Variants in PDE4D observed in about 807,000 individuals in gnomAD.
The protein encoded by PDE4D is phosphodiesterase 4D.
PDE4D carries 24 observed loss-of-function variants against 87.4 expected under a neutral mutation model. That is an observed-to-expected ratio of 0.27 (90% CI 0.20 to 0.39). The LOEUF (loss-of-function observed/expected upper bound fraction) is 0.39, where lower values mean the gene tolerates loss of function less well. Among genes scored for constraint, PDE4D ranks in the 10% least tolerant of loss-of-function variants. The pLI is 1.00. For synonymous variants in PDE4D, 384 were observed against 383.2 expected (o/e 1.00, Z -0.02); for missense variants, 714 against 1,041.0 (o/e 0.69, Z 4.32).
At chr5:59,982,527 G>A (rs1347968247) in intron 3 of PDE4D, among the ~76,000 whole-genome samples, 1 of 152,178 alleles carries the variant, frequency 6.6e-6, no homozygotes. Context: ...CAGTGCCCAA[G>A]ATAGGGCTGA....
chr5:59,974,051 T>C (rs943409659), intron 3 of PDE4D, among the ~76,000 whole-genome samples: 1 of 152,164 alleles, frequency 6.6e-6, no homozygotes, highest in African/African-American at 2.4e-5. Context: ...GGCAAAACCG[T>C]ATGCACGTGC....
intron 1 of PDE4D, among the ~76,000 whole-genome samples, chr5:59,810,860 C>A (rs980935320): frequency 6.6e-6 from 1 of 152,150 alleles, no homozygotes; most frequent in Non-Finnish European, 1.5e-5. Flanking sequence ...GCTGAAAAAT[C>A]AAAATAATTT....
At chr5:60,521,114 A>C (rs990603086) in intron 1 of PDE4D, 3 of 152,326 alleles carry the variant, frequency 2.0e-5, no homozygotes, top group Non-Finnish European at 2.9e-5. Flanking sequence ...TTTGGCAAGC[A>C]GGAGAATTAA....
intron 3 of PDE4D, among the ~76,000 whole-genome samples, chr5:59,968,856 T>C (rs1333540169): frequency 6.6e-6 from 1 of 152,096 alleles, no homozygotes; most frequent in Admixed American, 6.6e-5. Flanking sequence ...CAATATAACA[T>C]ATCCAGTGTT....
chr5:60,122,871 T>C (rs1778813564), intron 2 of PDE4D, among the ~76,000 whole-genome samples: 3 of 152,242 alleles, frequency 2.0e-5, no homozygotes, highest in Admixed American at 2.0e-4. Flanking sequence ...CTTATAAAAC[T>C]GAGTGCCTTT....
intron 1 of PDE4D, among the ~76,000 whole-genome samples, chr5:59,709,484 G>A (rs1753901331): frequency 6.6e-6 from 1 of 152,182 alleles, no homozygotes; most frequent in South Asian, 2.1e-4. Context: ...CTACCCTGCT[G>A]AGAAGCTTCC....
chr5:60,017,948 A>C (rs1368873130), intron 2 of PDE4D, among the ~76,000 whole-genome samples: 1 of 152,128 alleles, frequency 6.6e-6, no homozygotes, highest in Non-Finnish European at 1.5e-5. Context: ...CCACAGCCTC[A>C]ACAGTATCTG....
intron 3 of PDE4D, among the ~76,000 whole-genome samples, chr5:59,189,255 T>TTTG (rs1561663725): frequency 2.3e-5 from 3 of 131,000 alleles, no homozygotes; most frequent in African/African-American, 8.1e-5. Flanking sequence ...TTTTTTTTGT[T>TTTG]TTTTTTTTTT....
At chr5:59,230,082 C>A (rs921459307) in intron 1 of PDE4D, among the ~76,000 whole-genome samples, 10 of 152,216 alleles carry the variant, frequency 6.6e-5, no homozygotes, top group African/African-American at 2.4e-4. Flanking sequence ...CCACCGTACC[C>A]AGCTGCACCT....
At chr5:60,474,766 C>A (rs1256027418) in intron 1 of PDE4D, among the ~76,000 whole-genome samples, 1 of 152,156 alleles carries the variant, frequency 6.6e-6, no homozygotes, top group Non-Finnish European at 1.5e-5. Context: ...ACATCCTCCA[C>A]AGGCTCACCT....
intron 1 of PDE4D, among the ~76,000 whole-genome samples, chr5:59,504,939 T>TGTGTGTGC (rs1170300694): frequency 7.4e-5 from 10 of 134,786 alleles, no homozygotes; most frequent in Middle Eastern, 3.8e-3. Flanking sequence ...TGTGTGTGTG[T>TGTGTGTGC]GCGTGCGCGT....
intron 5 of PDE4D, among the ~76,000 whole-genome samples, chr5:59,150,493 G>T (rs999548918): frequency 2.0e-5 from 3 of 152,080 alleles, no homozygotes; most frequent in Non-Finnish European, 4.4e-5. Flanking sequence ...TTAATACAGT[G>T]CATATCTCCC....
intron 2 of PDE4D, among the ~76,000 whole-genome samples, chr5:59,213,874 A>G (rs1169994838): frequency 1.3e-5 from 2 of 151,882 alleles, no homozygotes; most frequent in Non-Finnish European, 2.9e-5. Context: ...GTACAAACCA[A>G]TTCATCACCT....
chr5:59,993,407 A>T (rs1312190183), intron 2 of PDE4D, among the ~76,000 whole-genome samples: 1 of 152,210 alleles, frequency 6.6e-6, no homozygotes, highest in Non-Finnish European at 1.5e-5. Flanking sequence ...GGATTGGCTT[A>T]GTAAATGTTG....
At position 59,455,592 on chromosome 5, in the gene PDE4D, G is replaced by T. The variant is rs553255832; in HGVS notation, c.456-239624C>A. ...AATGTGGGGTTGGAGCCCCCACACA[G>T]AGTCCCTACTAGGGCACTGTCTAGT... On this transcript the variant is annotated intron_variant, in intron 1 of 14. Coordinates refer to ENST00000340635, the MANE Select transcript of PDE4D (RefSeq NM_001104631.2). Among the ~76,000 whole-genome samples, 11 of 152,348 alleles carry T rather than the reference G, an allele frequency of 7.2e-5. No homozygotes were observed. The East Asian group carries it at 2.1e-3, about 29-fold the overall frequency.
At chr5:59,995,518 T>A (rs1582096694) in intron 2 of PDE4D, among the ~76,000 whole-genome samples, 1 of 151,808 alleles carries the variant, frequency 6.6e-6, no homozygotes, top group African/African-American at 2.4e-5. Flanking sequence ...CGGAGTTTCA[T>A]CATGTTGGCC....
At chr5:60,387,866 G>A (rs750953887) in intron 1 of PDE4D, among the ~76,000 whole-genome samples, 1 of 152,114 alleles carries the variant, frequency 6.6e-6, no homozygotes, top group Non-Finnish European at 1.5e-5. Flanking sequence ...CCCATAGGTT[G>A]AGGGCTCAGT....
intron 1 of PDE4D, among the ~76,000 whole-genome samples, chr5:60,211,106 G>T (rs1223312187): frequency 6.6e-6 from 1 of 152,206 alleles, no homozygotes; most frequent in Non-Finnish European, 1.5e-5. Context: ...CTGTCACTCT[G>T]CTGAAATGAC....
chr5:59,798,228 ATCTC>A (rs60239831), intron 1 of PDE4D, among the ~76,000 whole-genome samples: 26,305 of 145,640 alleles, frequency 0.18, 3,007 homozygotes, highest in South Asian at 0.25. Context: ...ACAAGTCTCC[ATCTC>A]TCTCTCTCTA....
Sources: allele counts gnomAD v4.1 joint callset (sites outside exome capture counted in the v4.1 genomes callset), GRCh38; gene constraint gnomAD v4.1.1; transcripts MANE v1.5; gene names NCBI Gene and HGNC (gene_info 2026-07-23, HGNC 2026-07-21).